Variants in FOXP2 observed in about 807,000 individuals in gnomAD.
FOXP2 encodes the protein forkhead box protein P2.
A neutral mutation model predicts 115.8 loss-of-function variants in FOXP2; 12 were observed. The ratio of observed to expected loss-of-function variants is 0.10; its 90% CI spans 0.07 to 0.17. The LOEUF is 0.17. Among genes scored for constraint, FOXP2 ranks in the 10% least tolerant of loss-of-function variants. FOXP2 has a pLI of 1.00. For synonymous variants in FOXP2, 328 were observed against 297.7 expected, an observed-to-expected ratio of 1.10 and a Z score of -1.05; for missense variants, 629 against 843.5, an observed-to-expected ratio of 0.75 and a Z score of 3.15.
At chr7:114,352,469 G>A (rs2129186054) in intron 2 of FOXP2, among the ~76,000 whole-genome samples, 1 of 152,208 alleles carries the variant, frequency 6.6e-6, no homozygotes, top group Admixed American at 6.5e-5. Context: ...AATATACTAG[G>A]ACTGCTGTAA....
chr7:114,137,346 G>A (rs1792067975), intron 1 of FOXP2, among the ~76,000 whole-genome samples: 1 of 152,076 alleles, frequency 6.6e-6, no homozygotes, highest in Admixed American at 6.6e-5. Flanking sequence ...GTTTCTGGAG[G>A]TTACATGTTT....
intron 2 of FOXP2, among the ~76,000 whole-genome samples, chr7:114,333,046 G>A (rs920596017): frequency 2.0e-5 from 3 of 151,634 alleles, no homozygotes; most frequent in South Asian, 2.1e-4. Context: ...ACCACAAAAC[G>A]AAACAGTCTG....
chr7:114,595,315 C>T (rs1022915367), intron 3 of FOXP2, among the ~76,000 whole-genome samples: 2 of 151,818 alleles, frequency 1.3e-5, no homozygotes, highest in Admixed American at 6.6e-5. Context: ...TTTCTAGAAC[C>T]GATGAAGCAT....
intron 1 of FOXP2, among the ~76,000 whole-genome samples, chr7:114,242,585 T>A (rs1795183250): frequency 6.6e-6 from 1 of 152,192 alleles, no homozygotes; most frequent in South Asian, 2.1e-4. Flanking sequence ...TGTCAATATC[T>A]TTCTGACTGG....
intron 1 of FOXP2, among the ~76,000 whole-genome samples, chr7:114,153,339 A>G (rs1404771174): frequency 6.6e-6 from 1 of 152,142 alleles, no homozygotes; most frequent in East Asian, 1.9e-4. Context: ...AAATACTAGA[A>G]TTGATGAACA....
chr7:114,091,608 C>A (rs1426360375), intron 1 of FOXP2, among the ~76,000 whole-genome samples: 1 of 151,706 alleles, frequency 6.6e-6, no homozygotes, highest in East Asian at 1.9e-4. Flanking sequence ...ACTGACATCA[C>A]CTCAATTTCA....
rs1158029180 is a variant in FOXP2 at position 114,293,251 on chromosome 7, GTTTCC to G, written c.-11+5147_-11+5151del. 5.3e-5 allele frequency among the ~76,000 whole-genome samples: 8 copies of G among 152,088 alleles called. No homozygotes were observed. In the East Asian group the frequency reaches 1.5e-3, roughly 29 times the overall value. Reference sequence around the variant, plus strand: ...CATGATATTAAGACATATGTTTTGAGTTTCCTTTCTTTCTCCCTCTCTCTTGCCTC... The same window carrying G: ...CATGATATTAAGACATATGTTTTGAGTTTCTTTCTCCCTCTCTCTTGCCTC... On this transcript the variant is annotated intron_variant, in intron 2 of 17. Coordinates refer to the FOXP2 transcript ENST00000634411.
chr7:114,247,237 A>C (rs1413055239), intron 1 of FOXP2, among the ~76,000 whole-genome samples: 2 of 152,196 alleles, frequency 1.3e-5, no homozygotes, highest in Non-Finnish European at 2.9e-5. Flanking sequence ...ATCTATGAAT[A>C]TATTCCAGAA....
At chr7:114,508,821 T>C (rs1797942228) in intron 2 of FOXP2, among the ~76,000 whole-genome samples, 1 of 151,986 alleles carries the variant, frequency 6.6e-6, no homozygotes, top group Non-Finnish European at 1.5e-5. Context: ...ACCTGAGGGA[T>C]TGAGGCAGTA....
rs570172058 is a variant in FOXP2, at chr7:114,541,746, A to G, written c.258+7040A>G. ...AAATTAAATATGGAAGAACTTTGCT[A>G]TCTAGGAGGCCAAATTTTCGCTTTT... On this transcript the variant is annotated intron_variant, in intron 3 of 16. Transcript: ENST00000350908. 2.0e-5 allele frequency among the ~76,000 whole-genome samples: 3 copies of G among 151,374 alleles called. No homozygotes were observed. The South Asian group carries it at 6.3e-4, about 32-fold the overall frequency.
intron 13 of FOXP2, 99 bp from the exon 14 acceptor site, chr7:114,661,966 T>C (rs987892495): frequency 5.5e-6 from 8 of 1,463,088 alleles, no homozygotes; most frequent in Non-Finnish European, 7.6e-6. Context: ...TGTTAAGATT[T>C]TTCACTCTGA....
At chr7:114,379,233 A>G (rs1458384916) in intron 2 of FOXP2, among the ~76,000 whole-genome samples, 1 of 152,140 alleles carries the variant, frequency 6.6e-6, no homozygotes, top group Admixed American at 6.5e-5. Context: ...CTCTCAGGCA[A>G]TAGATGATTG....
chr7:114,582,546 A>G (rs1801921805), intron 3 of FOXP2, among the ~76,000 whole-genome samples: 1 of 152,220 alleles, frequency 6.6e-6, no homozygotes, highest in Non-Finnish European at 1.5e-5. Flanking sequence ...AAACTTAGCA[A>G]CTATTTTCTC....
At chr7:114,314,742 A>G (rs1458919179) in intron 2 of FOXP2, among the ~76,000 whole-genome samples, 1 of 152,182 alleles carries the variant, frequency 6.6e-6, no homozygotes, top group East Asian at 1.9e-4. Context: ...AAGAAGCTAT[A>G]TTGGCAATTG....
At chr7:114,160,450 A>G (rs559745344), upstream of FOXP2, among the ~76,000 whole-genome samples, 1 of 152,126 alleles carries the variant, frequency 6.6e-6, no homozygotes, top group East Asian at 1.9e-4. Context: ...TGGTGAATTC[A>G]TTGACATATA....
intron 2 of FOXP2, among the ~76,000 whole-genome samples, chr7:114,323,137 A>C (rs1055206725): frequency 2.0e-5 from 3 of 152,136 alleles, no homozygotes; most frequent in African/African-American, 4.8e-5. Context: ...TCTACCATCT[A>C]TGGGTATACA....
chr7:114,431,353 AG>A (rs1375713882), intron 2 of FOXP2, among the ~76,000 whole-genome samples: 4 of 151,904 alleles, frequency 2.6e-5, no homozygotes, highest in Non-Finnish European at 4.4e-5. Context: ...TGAATGTAAA[AG>A]TGACTGCAAT....
chr7:114,358,013 G>A (rs1241490521), intron 2 of FOXP2, among the ~76,000 whole-genome samples: 1 of 151,990 alleles, frequency 6.6e-6, no homozygotes, highest in Non-Finnish European at 1.5e-5. Flanking sequence ...ATATGTTTTG[G>A]CTGTGTCACC....
chr7:114,247,332 C>G (rs1465485303), intron 1 of FOXP2, among the ~76,000 whole-genome samples: 2 of 152,156 alleles, frequency 1.3e-5, no homozygotes, highest in Admixed American at 6.5e-5. Context: ...ATCTCTAACA[C>G]CTTGATATTT....
Sources: gnomAD v4.1 joint callset for allele counts (sites outside exome capture counted in the v4.1 genomes callset) on GRCh38, gnomAD v4.1.1 for gene constraint, MANE v1.5 for transcripts, NCBI Gene and HGNC (gene_info 2026-07-23, HGNC 2026-07-21) for gene names.